NF1: variants seen among roughly 807,000 people sequenced by gnomAD.
NF1 encodes the protein neurofibromin 1.
In NF1, 122 loss-of-function variants were observed where a neutral mutation model predicts 325.7. The observed-to-expected ratio is 0.37, with a 90% CI of 0.32 to 0.44. NF1 has a LOEUF of 0.44. NF1 is among the 20% of genes least tolerant of loss of function. NF1 has a pLI of 1.00. For synonymous variants in NF1, 1,091 were observed against 1,186.0 expected (o/e 0.92, Z 1.65); for missense variants, 2,140 against 3,415.4 (o/e 0.63, Z 9.31).
At chr17:31,113,146 A>G (rs771745456) in intron 1 of NF1, among the ~76,000 whole-genome samples, 32 of 152,208 alleles carry the variant, frequency 2.1e-4, no homozygotes, top group Non-Finnish European at 2.2e-4. Flanking sequence ...TGCTGAGTCC[A>G]TGGATCAACT....
At chr17:31,344,821 C>T (rs931168914) in intron 48 of NF1, among the ~76,000 whole-genome samples, 28 of 152,132 alleles carry the variant, frequency 1.8e-4, no homozygotes, top group African/African-American at 4.6e-4. Context: ...GCCTGTAATC[C>T]CAACACTTTG....
chr17:31,320,286 A>G, intron 36 of NF1: 2 of 1,109,592 alleles, frequency 1.8e-6, no homozygotes, highest in East Asian at 5.3e-5. Context: ...TGCCTGGTTA[A>G]GAACCCTACG....
At chr17:31,188,876 T>C (rs1473715160) in intron 8 of NF1, among the ~76,000 whole-genome samples, 1 of 152,232 alleles carries the variant, frequency 6.6e-6, no homozygotes, top group Non-Finnish European at 1.5e-5. Context: ...GTTTTGGAAC[T>C]TGGACTGGCT....
intron 30 of NF1, chr17:31,251,264 G>A: frequency 4.8e-6 from 1 of 208,378 alleles, no homozygotes. Flanking sequence ...TGGAGGGATA[G>A]TAGTCCCTTT....
At chr17:31,185,409 G>A (rs755331838) in intron 8 of NF1, among the ~76,000 whole-genome samples, 11 of 152,202 alleles carry the variant, frequency 7.2e-5, no homozygotes, top group Non-Finnish European at 1.5e-4. Flanking sequence ...ATATTATGCT[G>A]ATTGGATTCT....
At chr17:31,273,991 T>A (rs998309953) in intron 36 of NF1, among the ~76,000 whole-genome samples, 1 of 152,186 alleles carries the variant, frequency 6.6e-6, no homozygotes, top group African/African-American at 2.4e-5. Flanking sequence ...CCTTAGAACA[T>A]CTGTACATAT....
chr17:31,143,038 G>T (rs530272684), intron 1 of NF1, among the ~76,000 whole-genome samples: 4 of 151,922 alleles, frequency 2.6e-5, no homozygotes, highest in Admixed American at 1.3e-4. Context: ...AATTGTATGT[G>T]CATTCTTTTA....
intron 13 of NF1, among the ~76,000 whole-genome samples, chr17:31,217,939 CAA>C (rs56382346): frequency 5.2e-3 from 607 of 116,684 alleles, no homozygotes; most frequent in African/African-American, 9.5e-3. Context: ...CACTCCGTTT[CAA>C]AAAAAAAAAA....
chr17:31,290,888 C>CT (rs2068331624), intron 36 of NF1, among the ~76,000 whole-genome samples: 1 of 152,072 alleles, frequency 6.6e-6, no homozygotes, highest in Non-Finnish European at 1.5e-5. Context: ...TACCTGTAGT[C>CT]TTAACTACTC....
At chr17:31,177,446 G>T (rs950435188) in intron 5 of NF1, among the ~76,000 whole-genome samples, 1 of 150,720 alleles carries the variant, frequency 6.6e-6, no homozygotes, top group African/African-American at 2.4e-5. Flanking sequence ...AAAAAAAAAC[G>T]AGCACGCCTC....
At chr17:31,277,089 A>C (rs1402379783) in intron 36 of NF1, among the ~76,000 whole-genome samples, 1 of 152,214 alleles carries the variant, frequency 6.6e-6, no homozygotes, top group Non-Finnish European at 1.5e-5. Flanking sequence ...AAATATATTT[A>C]CTGTTCTCTG....
chr17:31,200,955 A>G (rs1443049068), intron 9 of NF1, 82 bp from the exon 10 acceptor site: 5 of 1,579,996 alleles, frequency 3.2e-6, no homozygotes, highest in Non-Finnish European at 4.3e-6. Context: ...TGTGTGGGTA[A>G]TGTGTTGATG....
intron 1 of NF1, among the ~76,000 whole-genome samples, chr17:31,118,938 C>CTTTTTTT (rs35974893): frequency 1.4e-5 from 2 of 146,380 alleles, no homozygotes; most frequent in Non-Finnish European, 1.5e-5. Flanking sequence ...GTCTCTCTCT[C>CTTTTTTT]TTTTTTTTTT....
intron 25 of NF1, 36 bp downstream of exon 25, chr17:31,232,225 G>A (rs1209206413): frequency 2.4e-6 from 3 of 1,267,684 alleles, no homozygotes; most frequent in African/African-American, 2.9e-5. Flanking sequence ...AAAGCAAAAA[G>A]CAAATAAAGC....
intron 1 of NF1, among the ~76,000 whole-genome samples, chr17:31,115,571 C>T (rs1194940176): frequency 6.6e-6 from 1 of 152,196 alleles, no homozygotes; most frequent in East Asian, 1.9e-4. Context: ...GTATATTGCT[C>T]ATTGATCCAC....
At chr17:31,299,865 A>T (rs184560735) in intron 36 of NF1, among the ~76,000 whole-genome samples, 1 of 118,208 alleles carries the variant, frequency 8.5e-6, no homozygotes, top group African/African-American at 4.7e-5. Context: ...AATGTCTCTC[A>T]TCTTGGAGTT....
chr17:31,192,715 G>A (rs989650710), intron 8 of NF1, among the ~76,000 whole-genome samples: 1 of 152,134 alleles, frequency 6.6e-6, no homozygotes, highest in Non-Finnish European at 1.5e-5. Context: ...GACTTTGCAC[G>A]GCAAATTTCA....
intron 36 of NF1, among the ~76,000 whole-genome samples, chr17:31,317,314 C>T (rs1472855658): frequency 6.7e-6 from 1 of 149,004 alleles, no homozygotes; most frequent in Non-Finnish European, 1.5e-5. Flanking sequence ...TTACTTGAAG[C>T]CAGTTTCTTT....
intron 1 of NF1, among the ~76,000 whole-genome samples, chr17:31,152,754 ATAAT>A (rs1358165506): frequency 6.6e-6 from 1 of 151,776 alleles, no homozygotes; most frequent in Non-Finnish European, 1.5e-5. Flanking sequence ...CTTTGAAATA[ATAAT>A]TTACAGTTTT....
Sources: gnomAD v4.1 joint callset for allele counts (sites outside exome capture counted in the v4.1 genomes callset) on GRCh38, gnomAD v4.1.1 for gene constraint, MANE v1.5 for transcripts, NCBI Gene and HGNC (gene_info 2026-07-23, HGNC 2026-07-21) for gene names.